CENATAC: variants seen among roughly 807,000 people sequenced by gnomAD.
CENATAC encodes the protein coiled-coil domain containing 84.
Under a neutral mutation model 53.7 loss-of-function variants are expected in CENATAC, and 53 were observed. The observed-to-expected ratio is 0.99, with a 90% CI of 0.79 to 1.24. CENATAC has a LOEUF of 1.24. CENATAC is among the 50% of genes most tolerant of loss of function. The probability of loss-of-function intolerance (pLI) is 0.00; values close to 1 mark genes in which losing one functional copy is unlikely to be tolerated. For synonymous variants in CENATAC, 156 were observed against 144.6 expected (o/e 1.08, Z -0.57); for missense variants, 474 against 417.8 (o/e 1.13, Z -1.17).
Position 118,999,083 on chromosome 11 carries a change from T to G in CENATAC, c.357T>G (p.Phe119Leu), listed in dbSNP as rs782756241. The stretch of plus-strand genomic sequence containing the variant: ...CTGAGGTCCAGATGAAAGAGAAGTT[T>G]CTGGTCACTCCCCAGGATTATGCGC... ...NKAEVQMKEK[F>L]LVTPQDYARF... Residue 119 changes from phenylalanine (F) to leucine (L), a missense_variant, in exon 3 of 11, where the codon TTT (phenylalanine) becomes TTG (leucine). Transcript: ENST00000334418. The G allele has an allele frequency of 1.9e-6, 3 of 1,613,980 alleles. No individual in the cohort carries two copies. Among genetic ancestry groups the G allele is most frequent in the South Asian group, 2.2e-5 (2 of 91,088 alleles).
chr11:119,000,624 T>A (rs1156306007), intron 3 of CENATAC, among the ~76,000 whole-genome samples: 1 of 151,930 alleles, frequency 6.6e-6, no homozygotes, highest in East Asian at 1.9e-4. Context: ...GGTGTGGTGG[T>A]GGGTGCCTAT....
At position 118,999,366 on chromosome 11, in the gene CENATAC, C is replaced by T. The variant is rs1942175328; in HGVS notation, c.383+257C>T. 10 of 384,564 alleles carry T rather than the reference C, an allele frequency of 2.6e-5. No homozygotes were observed. The South Asian group carries it at 4.7e-4, about 18-fold the overall frequency. The allele number at this position is 384,564 out of a possible 1,614,324, so 23.8% of individuals were successfully genotyped here. ...TTATCAACTACTTAAATATGAGGCACCGAGAATACTAACGTTAGAAGAGGC... is the reference window on the plus strand; with the variant it reads ...TTATCAACTACTTAAATATGAGGCATCGAGAATACTAACGTTAGAAGAGGC... On this transcript the variant is annotated intron_variant, in intron 3 of 10. Transcript: ENST00000334418.
At chr11:119,013,188 G>T (rs1036853845) in intron 7 of CENATAC, 44 bp from the exon 8 acceptor site, 4 of 1,482,892 alleles carry the variant, frequency 2.7e-6, no homozygotes, top group Non-Finnish European at 3.7e-6. Context: ...TTTTAATCAT[G>T]CCTAGACTTT....
At chr11:119,009,810 G>A (rs1294678913) in intron 3 of CENATAC, 1 of 152,236 alleles carries the variant, frequency 6.6e-6, no homozygotes, top group East Asian at 1.9e-4. Context: ...GAAGATACAA[G>A]TAAGGAATGG....
intron 3 of CENATAC, among the ~76,000 whole-genome samples, chr11:119,001,188 C>G (rs1386389498): frequency 1.3e-5 from 2 of 152,152 alleles, no homozygotes; most frequent in Admixed American, 1.3e-4. Context: ...CAACTGCTTA[C>G]AAGATGATCA....
chr11:119,001,649 G>T, intron 3 of CENATAC: 1 of 455,832 alleles, frequency 2.2e-6, no homozygotes, highest in Non-Finnish European at 4.4e-6. Flanking sequence ...TCAAATTGTT[G>T]CAAATCTCCA....
rs782531464 is a variant in CENATAC at position 119,015,547 on chromosome 11, C to CA, written c.952dup (p.Thr318AsnfsTer2). The CA allele has an allele frequency of 3.7e-6, 6 of 1,614,098 alleles. No individual in the cohort carries two copies. Among genetic ancestry groups the CA allele is most frequent in the Non-Finnish European group, 5.1e-6 (6 of 1,180,020 alleles). On this transcript the variant is annotated frameshift_variant, in exon 11 of 11. Coordinates refer to ENST00000334418, the MANE Select transcript of CENATAC (RefSeq NM_198489.3). LOFTEE classifies it high-confidence loss of function. ...CTTTATTTCCTTTCAGACATCAATT[C>CA]AAAACTGAAGCTGCAGCAATGAAGA...
Position 119,006,856 on chromosome 11 carries a change from A to G in CENATAC, c.384-3908A>G, listed in dbSNP as rs183914952. Among the ~76,000 whole-genome samples the G allele has an allele frequency of 4.9e-3, 742 of 152,344 alleles. 9 individuals carry two copies. Among genetic ancestry groups the G allele is most frequent in the Non-Finnish European group, 7.7e-3 (525 of 68,034 alleles). On this transcript the variant is annotated intron_variant, in intron 3 of 10. Coordinates refer to ENST00000334418, the MANE Select transcript of CENATAC (RefSeq NM_198489.3). ...CTGTTCTCATGGTAATAAGTCTCAC[A>G]TGATCTGATGATTTTATAAGGGGTT...
At chr11:119,002,244 A>G (rs1442990164) in intron 3 of CENATAC, among the ~76,000 whole-genome samples, 3 of 151,400 alleles carry the variant, frequency 2.0e-5, no homozygotes, top group South Asian at 4.2e-4. Context: ...AAAAAAAAAA[A>G]AAAAGAAACT....
chr11:119,011,380 CTTTT>C (rs373262037), intron 5 of CENATAC, 97 bp downstream of exon 5: 11 of 954,692 alleles, frequency 1.2e-5, no homozygotes, highest in African/African-American at 1.7e-5. Flanking sequence ...TCTTCTTCTT[CTTTT>C]TTTTTTGGAG....
rs781933536 is a variant in CENATAC, at chr11:118,998,395, C to G, written c.121-35C>G. ...GCCAGAGCGGGTGTGATTTGGGGGT[C>G]CCCCTCGGGGTTCTACTTGGCCTCT... On this transcript the variant is annotated intron_variant, in intron 1 of 10. Coordinates refer to ENST00000334418, the MANE Select transcript of CENATAC (RefSeq NM_198489.3). 1.9e-6 allele frequency: 3 copies of G among 1,612,106 alleles called. No homozygotes were observed. In the Admixed American group the frequency reaches 5.0e-5, roughly 27 times the overall value.
Position 118,999,037 on chromosome 11 carries a change from A to G in CENATAC, c.311A>G (p.Lys104Arg). The G allele has an allele frequency of 1.9e-6, 3 of 1,614,084 alleles. No individual in the cohort carries two copies. Among genetic ancestry groups the G allele is most frequent in the Non-Finnish European group, 2.5e-6 (3 of 1,179,996 alleles). Residue 104 changes from lysine (K) to arginine (R), a missense_variant, in exon 3 of 11, where the codon AAA (lysine) becomes AGA (arginine). Lys to Arg is a conservative substitution (Grantham distance 26). Transcript: ENST00000334418. ...ASPEHKKATN[K>R]FWWENKAEVQ... is the part of the protein sequence containing the mutation. ...CCAGAGCACAAGAAAGCAACCAACAAATTCTGGTGGGAGAACAAAGCTGAG... is the reference window on the plus strand; with the variant it reads ...CCAGAGCACAAGAAAGCAACCAACAGATTCTGGTGGGAGAACAAAGCTGAG...
At chr11:119,008,429 G>A (rs945922654) in intron 3 of CENATAC, among the ~76,000 whole-genome samples, 5 of 152,196 alleles carry the variant, frequency 3.3e-5, no homozygotes, top group African/African-American at 9.6e-5. Flanking sequence ...GGACGTGCAC[G>A]TAGGCCAGAC....
chr11:119,005,310 C>T (rs1942531117), intron 3 of CENATAC, among the ~76,000 whole-genome samples: 1 of 151,526 alleles, frequency 6.6e-6, no homozygotes, highest in African/African-American at 2.4e-5. Flanking sequence ...ACTAAATATA[C>T]AAAAAATTAC....
rs75442027 is a variant in CENATAC at position 119,014,819 on chromosome 11, T to C, written c.716-175T>C. ...AAGCCATTTTAAAATGACTGTCACATATGGGGTATGTCGCTTTAAATTAGC... is the reference window on the plus strand; with the variant it reads ...AAGCCATTTTAAAATGACTGTCACACATGGGGTATGTCGCTTTAAATTAGC... On this transcript the variant is annotated intron_variant, in intron 8 of 10. Coordinates refer to ENST00000334418, the MANE Select transcript of CENATAC (RefSeq NM_198489.3). 593 of 481,852 alleles carry C rather than the reference T, an allele frequency of 1.2e-3. 3 individuals carry two copies. The East Asian group carries it at 0.019, about 15-fold the overall frequency. The allele number at this position is 481,852 out of a possible 1,614,324, so 29.8% of individuals were successfully genotyped here.
chr11:119,001,355 G>A (rs1195178548), intron 3 of CENATAC, among the ~76,000 whole-genome samples: 1 of 151,996 alleles, frequency 6.6e-6, no homozygotes. Context: ...ATGTCACCAT[G>A]TACAGTCTGT....
At chr11:119,001,857 G>A (rs996057848) in intron 3 of CENATAC, 2 of 320,224 alleles carry the variant, frequency 6.2e-6, no homozygotes, top group African/African-American at 4.3e-5. Flanking sequence ...AGGAGTTTGA[G>A]GCCATCCTGG....
intron 3 of CENATAC, among the ~76,000 whole-genome samples, chr11:119,008,271 C>G (rs1942700793): frequency 6.6e-6 from 1 of 152,168 alleles, no homozygotes; most frequent in African/African-American, 2.4e-5. Flanking sequence ...TCTGAGTTCC[C>G]TCAGTTTTTA....
chr11:118,999,190 T>A, intron 3 of CENATAC, 81 bp downstream of exon 3: 1 of 1,088,290 alleles, frequency 9.2e-7, no homozygotes, highest in Non-Finnish European at 1.4e-6. Context: ...CTCTATTAAC[T>A]GGAAAGTTCA....
Sources: allele counts gnomAD v4.1 joint callset (sites outside exome capture counted in the v4.1 genomes callset), GRCh38; gene constraint gnomAD v4.1.1; transcripts MANE v1.5; gene names NCBI Gene and HGNC (gene_info 2026-07-23, HGNC 2026-07-21).